GSG1L: variants seen among roughly 807,000 people sequenced by gnomAD.
GSG1L encodes germ cell-specific gene 1-like protein.
In GSG1L, 24 loss-of-function variants were observed where a neutral mutation model predicts 42.1. The observed-to-expected ratio is 0.57, with a 90% CI of 0.41 to 0.80. GSG1L has a LOEUF of 0.80. Among genes scored for constraint, GSG1L ranks in the 30% least tolerant of loss-of-function variants. The pLI, the probability that GSG1L is intolerant of heterozygous loss-of-function variation, is 0.00. For synonymous variants in GSG1L, 215 were observed against 203.5 expected (o/e 1.06, Z -0.48); for missense variants, 445 against 472.2 (o/e 0.94, Z 0.53).
intron 1 of GSG1L, among the ~76,000 whole-genome samples, chr16:28,013,193 T>C (rs137941756): frequency 0.011 from 1,586 of 145,836 alleles, 29 homozygotes; most frequent in African/African-American, 0.038. Context: ...CACTCCAGCC[T>C]GGGCCACAAG....
intron 6 of GSG1L, among the ~76,000 whole-genome samples, chr16:27,805,941 C>CT (rs983256506): frequency 6.6e-6 from 1 of 151,930 alleles, no homozygotes; most frequent in African/African-American, 2.4e-5. Flanking sequence ...CCCAAGGCCT[C>CT]TTTCTACCCA....
At chr16:27,890,887 T>C (rs1410197418) in intron 2 of GSG1L, among the ~76,000 whole-genome samples, 1 of 152,154 alleles carries the variant, frequency 6.6e-6, no homozygotes, top group Non-Finnish European at 1.5e-5. Flanking sequence ...GGGACATCAA[T>C]ACTTAAGGGG....
chr16:27,891,974 G>A (rs976491707), intron 2 of GSG1L, among the ~76,000 whole-genome samples: 10 of 138,822 alleles, frequency 7.2e-5, no homozygotes, highest in Non-Finnish European at 1.5e-4. Context: ...CACACACTGA[G>A]TGCCCCACCA....
intron 2 of GSG1L, among the ~76,000 whole-genome samples, chr16:27,911,294 TCC>T (rs1491423579): frequency 2.9e-5 from 4 of 140,086 alleles, no homozygotes; most frequent in African/African-American, 1.1e-4. Context: ...TCTCTCTCTC[TCC>T]TCTCTCTCTT....
At chr16:27,995,909 C>T (rs2085510167) in intron 1 of GSG1L, among the ~76,000 whole-genome samples, 1 of 151,840 alleles carries the variant, frequency 6.6e-6, no homozygotes, top group African/African-American at 2.4e-5. Context: ...CACACACACA[C>T]ACACACACAG....
rs148970310 is a variant in GSG1L at position 27,944,988 on chromosome 16, G to A, written c.397+18168C>T. On this transcript the variant is annotated intron_variant, in intron 2 of 6. Coordinates refer to ENST00000447459, the MANE Select transcript of GSG1L (RefSeq NM_001109763.2). ...GATACTCGGGAGGCTGAGCTGGGAG[G>A]AGCACTTGAGCCCAGGAGGTGGAGG... is the stretch of plus-strand genomic sequence containing the variant. Among the ~76,000 whole-genome samples the A allele has an allele frequency of 1.6e-3, 236 of 149,864 alleles. 1 individual carries two copies. Among genetic ancestry groups the A allele is most frequent in the African/African-American group, 5.7e-3 (231 of 40,634 alleles).
intron 1 of GSG1L, among the ~76,000 whole-genome samples, chr16:27,979,765 AGAAG>A (rs1167918318): frequency 2.9e-4 from 40 of 138,224 alleles, no homozygotes; most frequent in African/African-American, 8.0e-4. Context: ...AAAGAAAGAA[AGAAG>A]GAAAGAAAGA....
chr16:27,845,235 G>C (rs1357438827), intron 3 of GSG1L, among the ~76,000 whole-genome samples, 174 bp from the exon 4 acceptor site: 1 of 152,188 alleles, frequency 6.6e-6, no homozygotes, highest in East Asian at 1.9e-4. Flanking sequence ...AGAGAGGGTA[G>C]TTCTCTTTTC....
rs2082710958 is a variant in GSG1L at position 27,787,940 on chromosome 16, A to G, written c.*3430T>C. The G allele has an allele frequency of 6.6e-6, 1 of 152,228 alleles. No individual in the cohort carries two copies. Among genetic ancestry groups the G allele is most frequent in the Admixed American group, 6.5e-5 (1 of 15,280 alleles). The allele number at this position is 152,228 out of a possible 1,614,324, so 9.4% of individuals were successfully genotyped here. On this transcript the variant is annotated 3_prime_UTR_variant, in exon 7 of 7. Coordinates refer to ENST00000447459, the MANE Select transcript of GSG1L (RefSeq NM_001109763.2). ...TTCAAGGCCTCAGTAGAGCTGGACCATAATTGCTCTCCCAGGCCCATTTCC... is the reference window on the plus strand; with the variant it reads ...TTCAAGGCCTCAGTAGAGCTGGACCGTAATTGCTCTCCCAGGCCCATTTCC...
intron 1 of GSG1L, among the ~76,000 whole-genome samples, chr16:28,041,880 G>T (rs768677492): frequency 4.6e-5 from 7 of 152,214 alleles, no homozygotes; most frequent in Non-Finnish European, 8.8e-5. Context: ...ATGTTGAATG[G>T]CTGGAAGTTT....
chr16:27,878,316 A>G (rs1416847297), intron 3 of GSG1L, among the ~76,000 whole-genome samples: 1 of 152,212 alleles, frequency 6.6e-6, no homozygotes, highest in African/African-American at 2.4e-5. Flanking sequence ...ACTTACAATC[A>G]TGGTGGAAGG....
At chr16:28,031,099 G>A (rs181198947) in intron 1 of GSG1L, among the ~76,000 whole-genome samples, 14 of 148,552 alleles carry the variant, frequency 9.4e-5, no homozygotes, top group African/African-American at 3.2e-4. Flanking sequence ...GATGGGATGG[G>A]TTGGAATAAG....
chr16:27,954,635 A>C (rs114189088), intron 2 of GSG1L, among the ~76,000 whole-genome samples: 171 of 152,214 alleles, frequency 1.1e-3, no homozygotes, highest in African/African-American at 4.0e-3. Context: ...GTATGGGTTC[A>C]TCAGATGAAC....
Position 27,992,980 on chromosome 16 carries a change from T to A in GSG1L, c.350-29777A>T, listed in dbSNP as rs764222334. On this transcript the variant is annotated intron_variant, in intron 1 of 6. Coordinates refer to ENST00000447459, the MANE Select transcript of GSG1L (RefSeq NM_001109763.2). ...CAGCTAATGTTTATTGAGAACGTAC[T>A]ATGTGCCAGGTGCTACTGAAATGTC... Among the ~76,000 whole-genome samples the A allele has an allele frequency of 8.5e-5, 13 of 152,282 alleles. No individual in the cohort carries two copies. The South Asian group carries it at 1.2e-3, about 15-fold the overall frequency.
chr16:27,913,446 C>A (rs954088055), intron 2 of GSG1L, among the ~76,000 whole-genome samples: 3 of 152,164 alleles, frequency 2.0e-5, no homozygotes, highest in Non-Finnish European at 4.4e-5. Flanking sequence ...GTATTTTGAA[C>A]TTATTTTCAT....
chr16:27,899,882 C>A (rs1411059718), intron 2 of GSG1L, among the ~76,000 whole-genome samples: 1 of 152,194 alleles, frequency 6.6e-6, no homozygotes, highest in Non-Finnish European at 1.5e-5. Context: ...CCTGACAGAG[C>A]CAGACTGAGT....
chr16:27,873,042 C>T (rs530625157), intron 3 of GSG1L, among the ~76,000 whole-genome samples: 51 of 152,294 alleles, frequency 3.3e-4, no homozygotes, highest in African/African-American at 1.2e-3. Context: ...TGAATTCTTT[C>T]TTGCATGAGA....
chr16:27,997,593 C>T lies in GSG1L; in HGVS notation c.350-34390G>A, dbSNP rs185511229. ...CATCTGAGAAAGTCCATTTGCACCA[C>T]GTAAGCTAACACAGTCACGGGTTGG... On this transcript the variant is annotated intron_variant, in intron 1 of 6. Coordinates refer to ENST00000447459, the MANE Select transcript of GSG1L (RefSeq NM_001109763.2). Among the ~76,000 whole-genome samples the T allele has an allele frequency of 7.9e-5, 12 of 152,150 alleles. 1 individual carries two copies. Among genetic ancestry groups the T allele is most frequent in the Admixed American group, 6.5e-4 (10 of 15,282 alleles).
chr16:27,841,042 T>C (rs1456158041), intron 4 of GSG1L, among the ~76,000 whole-genome samples: 1 of 152,220 alleles, frequency 6.6e-6, no homozygotes, highest in Non-Finnish European at 1.5e-5. Context: ...TAGTTACTAT[T>C]ATTACTACAT....
Sources: allele counts gnomAD v4.1 joint callset (sites outside exome capture counted in the v4.1 genomes callset), GRCh38; gene constraint gnomAD v4.1.1; transcripts MANE v1.5; gene names NCBI Gene and HGNC (gene_info 2026-07-23, HGNC 2026-07-21).